Variants in RHOBTB1 observed in about 807,000 individuals in gnomAD.
The protein encoded by RHOBTB1 is rho-related BTB domain-containing protein 1.
A neutral mutation model predicts 71.6 loss-of-function variants in RHOBTB1; 40 were observed. That is an observed-to-expected ratio of 0.56 (90% CI 0.43 to 0.73). The LOEUF is 0.73. Ranked by LOEUF, RHOBTB1 falls within the 30% of genes least tolerant of loss-of-function variation. The pLI is 0.00. For missense variants in RHOBTB1, 797 were observed against 894.0 expected, an observed-to-expected ratio of 0.89 and a Z score of 1.38; for synonymous variants, 319 against 334.9, an observed-to-expected ratio of 0.95 and a Z score of 0.52.
chr10:60,886,712 A>C (rs2081594066), intron 6 of RHOBTB1, among the ~76,000 whole-genome samples: 1 of 124,922 alleles, frequency 8.0e-6, no homozygotes, highest in African/African-American at 3.0e-5. Context: ...TTTTTTTAAG[A>C]GATGTGGGGG....
intron 7 of RHOBTB1, among the ~76,000 whole-genome samples, chr10:60,883,249 C>T (rs2081409109): frequency 6.6e-6 from 1 of 152,190 alleles, no homozygotes; most frequent in Non-Finnish European, 1.5e-5. Context: ...AACTCCAGTT[C>T]TAAGTGGTGA....
At chr10:60,956,721 G>A (rs1382379683) in intron 2 of RHOBTB1, among the ~76,000 whole-genome samples, 3 of 151,350 alleles carry the variant, frequency 2.0e-5, no homozygotes, top group African/African-American at 7.3e-5. Context: ...GCTTACACAG[G>A]GTCAGGATCA....
rs945141391 is a variant in RHOBTB1 at position 60,871,151 on chromosome 10, G to A, written c.*331C>T. 9.4e-6 allele frequency: 2 copies of A among 213,044 alleles called. No homozygotes were observed. Among genetic ancestry groups the A allele is most frequent in the Admixed American group, 5.6e-5 (1 of 17,722 alleles). 13.2% of individuals were successfully genotyped at this position (213,044 alleles called of 1,614,324 possible). A position where few individuals can be genotyped will look rare whatever the true frequency, so the allele number is the denominator to read the frequency against. On this transcript the variant is annotated 3_prime_UTR_variant, in exon 11 of 11. Transcript: ENST00000337910. ...CCATATAAAAATATTTTCCAATCTG[G>A]AATCAGAAACATGAAAGCTGAATTT...
At chr10:60,968,449 TAGC>T (rs1399189674) in intron 2 of RHOBTB1, among the ~76,000 whole-genome samples, 4 of 152,126 alleles carry the variant, frequency 2.6e-5, no homozygotes, top group African/African-American at 9.7e-5. Context: ...TTCTTAAAAA[TAGC>T]AGGATATCTC....
chr10:60,884,629 T>C (rs983171042), intron 7 of RHOBTB1, among the ~76,000 whole-genome samples: 4 of 152,186 alleles, frequency 2.6e-5, no homozygotes, highest in Admixed American at 2.6e-4. Context: ...GTGGTACTTA[T>C]ACACAATGGG....
At chr10:60,863,283 T>C in the RHOBTB1 span, among the ~76,000 whole-genome samples, 1 of 152,246 alleles carries the variant, frequency 6.6e-6, no homozygotes, top group Non-Finnish European at 1.5e-5. Flanking sequence ...GTACAAATAA[T>C]TATGTTTTAG....
intron 7 of RHOBTB1, among the ~76,000 whole-genome samples, chr10:60,884,310 A>G (rs1435476270): frequency 6.6e-6 from 1 of 152,152 alleles, no homozygotes; most frequent in Non-Finnish European, 1.5e-5. Context: ...TGTTTTTTGC[A>G]TTTCTTTGAA....
At chr10:60,971,454 C>G (rs1031590317) in intron 2 of RHOBTB1, among the ~76,000 whole-genome samples, 1 of 152,082 alleles carries the variant, frequency 6.6e-6, no homozygotes, top group African/African-American at 2.4e-5. Context: ...AAAGGATTCC[C>G]TATTAAAAAA....
chr10:60,899,478 C>T (rs890039311), intron 4 of RHOBTB1, among the ~76,000 whole-genome samples: 104 of 152,180 alleles, frequency 6.8e-4, no homozygotes, highest in African/African-American at 2.4e-3. Flanking sequence ...CATGGGAGGT[C>T]TCTGGGATTA....
At chr10:60,871,904 T>G (rs2080806162) in intron 10 of RHOBTB1, 1 of 603,356 alleles carries the variant, frequency 1.7e-6, no homozygotes. Flanking sequence ...CTCCTAAGCT[T>G]GTCTCCCTAA....
At chr10:60,891,334 CTTTT>C (rs756153141) in intron 5 of RHOBTB1, among the ~76,000 whole-genome samples, 22 of 71,316 alleles carry the variant, frequency 3.1e-4, no homozygotes, top group African/African-American at 1.1e-3. Flanking sequence ...TTGCTGTTTG[CTTTT>C]TTTTTTTTTT....
intron 1 of RHOBTB1, among the ~76,000 whole-genome samples, chr10:60,993,569 A>G (rs1329404973): frequency 6.6e-6 from 1 of 152,158 alleles, no homozygotes; most frequent in East Asian, 1.9e-4. Context: ...AGAGTGTTGA[A>G]TTTCATGGCA....
intron 4 of RHOBTB1, among the ~76,000 whole-genome samples, chr10:60,897,325 A>G (rs2082207914): frequency 6.6e-6 from 1 of 152,230 alleles, no homozygotes; most frequent in Non-Finnish European, 1.5e-5. Flanking sequence ...TCGGAAAAGA[A>G]TTGATAATCA....
chr10:60,945,113 C>T (rs1281245363), upstream of RHOBTB1, among the ~76,000 whole-genome samples: 6 of 152,294 alleles, frequency 3.9e-5, no homozygotes, highest in East Asian at 9.7e-4. Flanking sequence ...GGTGCCTGGC[C>T]AAGCTCTACG....
intron 6 of RHOBTB1, 146 bp downstream of exon 6, chr10:60,888,066 A>T: frequency 1.1e-6 from 1 of 911,982 alleles, no homozygotes; most frequent in Non-Finnish European, 1.6e-6. Context: ...TAAAGAAGTT[A>T]ATGCCTGTAG....
chr10:60,980,732 T>C (rs2086468414), intron 2 of RHOBTB1, among the ~76,000 whole-genome samples: 1 of 152,220 alleles, frequency 6.6e-6, no homozygotes, highest in South Asian at 2.1e-4. Flanking sequence ...AAGGTGAATT[T>C]AGAATTTAGC....
intron 2 of RHOBTB1, among the ~76,000 whole-genome samples, chr10:60,981,504 C>T (rs930580633): frequency 6.6e-6 from 1 of 152,160 alleles, no homozygotes; most frequent in African/African-American, 2.4e-5. Flanking sequence ...GACCTCAAAA[C>T]TCTTGCATTA....
chr10:60,862,276 A>G, the RHOBTB1 span, among the ~76,000 whole-genome samples: 2 of 151,468 alleles, frequency 1.3e-5, no homozygotes, highest in Admixed American at 6.6e-5. Context: ...CGGCTAACTG[A>G]AACTTTTACC....
intron 1 of RHOBTB1, among the ~76,000 whole-genome samples, chr10:60,943,733 C>T (rs1403028780): frequency 6.6e-6 from 1 of 152,072 alleles, no homozygotes; most frequent in Non-Finnish European, 1.5e-5. Flanking sequence ...TGCGGCTGTG[C>T]GGGCGCTCCT....
Sources: gnomAD v4.1 joint callset for allele counts (sites outside exome capture counted in the v4.1 genomes callset) on GRCh38, gnomAD v4.1.1 for gene constraint, MANE v1.5 for transcripts, NCBI Gene and HGNC (gene_info 2026-07-23, HGNC 2026-07-21) for gene names.